Variants in FANCA observed in about 807,000 individuals in gnomAD.
The protein encoded by FANCA is Fanconi anemia group A protein.
In FANCA, 236 loss-of-function variants were observed where a neutral mutation model predicts 194.3. The observed-to-expected ratio is 1.21, with a 90% CI of 1.09 to 1.35. The LOEUF (loss-of-function observed/expected upper bound fraction) is 1.35. Ranked by LOEUF, FANCA falls within the 40% of genes most tolerant of loss-of-function variation. The probability of loss-of-function intolerance (pLI) is 0.00; values close to 1 mark genes in which losing one functional copy is unlikely to be tolerated. For missense variants in FANCA, 2,628 were observed against 1,813.9 expected, an observed-to-expected ratio of 1.45 and a Z score of -8.15; for synonymous variants, 1,014 against 715.8, an observed-to-expected ratio of 1.42 and a Z score of -6.65.
At chr16:89,755,759 C>A (rs1285677489) in intron 30 of FANCA, among the ~76,000 whole-genome samples, 1 of 152,216 alleles carries the variant, frequency 6.6e-6, no homozygotes. Context: ...TGACAAGGAT[C>A]CATTCTGAGA....
At chr16:89,745,109 G>A (rs956337147) in intron 35 of FANCA, 38 bp from the exon 36 acceptor site, 29 of 1,533,392 alleles carry the variant, frequency 1.9e-5, no homozygotes, top group East Asian at 9.7e-5. Flanking sequence ...GAGGGTGGCT[G>A]AGATGGACAC....
intron 1 of FANCA, chr16:89,816,205 C>T: frequency 1.8e-6 from 1 of 557,698 alleles, no homozygotes; most frequent in East Asian, 3.2e-5. Flanking sequence ...GCAGGGGAGC[C>T]CGGGGACGGC....
chr16:89,782,974 G>C lies in FANCA; in HGVS notation c.1566+33C>G, dbSNP rs751837166. 1.2e-6 allele frequency: 2 copies of C among 1,611,706 alleles called. 1 individual carries two copies. The highest frequency in any genetic ancestry group is 4.5e-5 in the East Asian group (2 of 44,880). On this transcript the variant is annotated intron_variant, in intron 16 of 42. Coordinates refer to ENST00000389301, the MANE Select transcript of FANCA (RefSeq NM_000135.4). Reference sequence around the variant, plus strand: ...AAACAAAGCAGTTTCTGCTGGGACAGGTGTGAGGAGTGGGCATGGAGGGAC... The same window carrying C: ...AAACAAAGCAGTTTCTGCTGGGACACGTGTGAGGAGTGGGCATGGAGGGAC...
intron 6 of FANCA, among the ~76,000 whole-genome samples, chr16:89,806,287 G>A (rs2040640240): frequency 6.6e-6 from 1 of 151,228 alleles, no homozygotes; most frequent in Non-Finnish European, 1.5e-5. Context: ...CTACTACTGG[G>A]TAGAGTGCTC....
rs2040133467 is a variant in FANCA at position 89,793,138 on chromosome 16, CAG to C, written c.1007-593_1007-592del. Among the ~76,000 whole-genome samples, 4 of 152,080 alleles carry C rather than the reference CAG, an allele frequency of 2.6e-5. No homozygotes were observed. The South Asian group carries it at 8.3e-4, about 31-fold the overall frequency. On this transcript the variant is annotated intron_variant, in intron 11 of 42. Transcript: ENST00000389301. ...AGGCCCTCCACAAGAGGTGGAGGAG[CAG>C]AGTCTTCTCTAAACTCCCGGGGGGA... is the stretch of plus-strand genomic sequence containing the variant.
At chr16:89,741,031 A>C (rs1019607519) in intron 37 of FANCA, 165 bp from the exon 38 acceptor site, 2 of 668,380 alleles carry the variant, frequency 3.0e-6, no homozygotes, top group African/African-American at 3.6e-5. Context: ...AGACAGCTTA[A>C]TTGAGAATTA....
chr16:89,777,491 C>T (rs1850255652), intron 20 of FANCA, among the ~76,000 whole-genome samples: 1 of 151,180 alleles, frequency 6.6e-6, no homozygotes, highest in Admixed American at 6.6e-5. Context: ...TTTGGGAGGC[C>T]GAGGTGGGTG....
chr16:89,759,935 C>G, intron 29 of FANCA, among the ~76,000 whole-genome samples: 1 of 151,120 alleles, frequency 6.6e-6, no homozygotes, highest in East Asian at 1.9e-4. Context: ...TGTGCGGGAC[C>G]TGGGTGCTCC....
intron 8 of FANCA, among the ~76,000 whole-genome samples, chr16:89,802,593 C>A (rs2040494604): frequency 1.3e-5 from 2 of 151,606 alleles, no homozygotes; most frequent in Admixed American, 1.3e-4. Context: ...TTAGTAGAGA[C>A]GGGATTTTAC....
intron 17 of FANCA, among the ~76,000 whole-genome samples, chr16:89,781,750 A>G (rs1479754771): frequency 1.3e-5 from 2 of 151,638 alleles, no homozygotes; most frequent in Non-Finnish European, 2.9e-5. Flanking sequence ...CTGTAATCCC[A>G]GCACTTTGAG....
At chr16:89,782,169 A>C (rs1216656293) in intron 17 of FANCA, among the ~76,000 whole-genome samples, 1 of 151,598 alleles carries the variant, frequency 6.6e-6, no homozygotes, top group Non-Finnish European at 1.5e-5. Context: ...AGGTCAAGAG[A>C]TCGAGATCAT....
chr16:89,778,020 G>A (rs1362217811), intron 20 of FANCA, among the ~76,000 whole-genome samples: 4 of 151,914 alleles, frequency 2.6e-5, no homozygotes, highest in Non-Finnish European at 5.9e-5. Context: ...AAATTAGCCG[G>A]GCGTGGTGGT....
In FANCA at chr16:89,816,592, G is replaced by C. The variant is rs76275444; in HGVS notation, c.24C>G (p.Asn8Lys). ...CCCCTGGGTCCTGGCCCGAGGCGGA[G>C]TTCGGGACCCACGAGTCGGACATGG... MSDSWVP[N>K]SASGQDPGGR... The change falls in exon 1 of 43, where the codon AAC becomes AAG. Residue 8 changes from asparagine (N) to lysine (K), a missense_variant. Physicochemically the swap from Asn to Lys is moderately conservative, Grantham distance 94. Coordinates refer to ENST00000389301, the MANE Select transcript of FANCA (RefSeq NM_000135.4). 12,610 of 1,527,118 alleles carry C rather than the reference G, an allele frequency of 8.3e-3. 980 individuals carry two copies. In the African/African-American group the frequency reaches 0.16, roughly 19 times the overall value. 94.6% of individuals were successfully genotyped at this position (1,527,118 alleles called of 1,614,324 possible). A position where few individuals can be genotyped will look rare whatever the true frequency, so the allele number is the denominator to read the frequency against.
chr16:89,811,440 A>T (rs958462175), intron 3 of FANCA, among the ~76,000 whole-genome samples: 1 of 152,230 alleles, frequency 6.6e-6, no homozygotes, highest in Admixed American at 6.5e-5. Flanking sequence ...TGTTTTTCTA[A>T]TTACTTCAGA....
intron 35 of FANCA, among the ~76,000 whole-genome samples, chr16:89,745,910 G>A (rs766327645): frequency 1.2e-4 from 18 of 152,218 alleles, no homozygotes; most frequent in Non-Finnish European, 2.5e-4. Context: ...CATTTCTCAC[G>A]AATTCCACCA....
intron 37 of FANCA, among the ~76,000 whole-genome samples, chr16:89,741,310 G>A (rs2062127957): frequency 6.6e-6 from 1 of 152,226 alleles, no homozygotes; most frequent in Non-Finnish European, 1.5e-5. Context: ...TAAGGCCCTG[G>A]AGCCACTAAA....
chr16:89,739,614 G>A (rs1285019479), intron 39 of FANCA, 61 bp from the exon 40 acceptor site: 29 of 1,533,462 alleles, frequency 1.9e-5, no homozygotes, highest in South Asian at 8.4e-5. Context: ...TCAGTGCTGG[G>A]GACACCCCTG....
chr16:89,739,335 G>GT, intron 40 of FANCA, 46 bp from the exon 41 acceptor site: 1 of 1,611,158 alleles, frequency 6.2e-7, no homozygotes, highest in Non-Finnish European at 8.5e-7. Context: ...CTGCTGGAAA[G>GT]GTAGCAGGTG....
rs17232267 is a variant in FANCA at position 89,807,571 on chromosome 16, G to A, written c.596+723C>T. ...TTGACACCAGCCTGGCTAACATGGCGAAACCACATCTCTACTAAAAATAAC... is the reference window on the plus strand; with the variant it reads ...TTGACACCAGCCTGGCTAACATGGCAAAACCACATCTCTACTAAAAATAAC... On this transcript the variant is annotated intron_variant, in intron 6 of 42. Coordinates refer to ENST00000389301, the MANE Select transcript of FANCA (RefSeq NM_000135.4). Among the ~76,000 whole-genome samples, 521 of 152,082 alleles carry A rather than the reference G, an allele frequency of 3.4e-3. 3 individuals are homozygous for A. The highest frequency in any genetic ancestry group is 0.01 in the Admixed American group (160 of 15,270).
Sources: gnomAD v4.1 joint callset for allele counts (sites outside exome capture counted in the v4.1 genomes callset) on GRCh38, gnomAD v4.1.1 for gene constraint, MANE v1.5 for transcripts, NCBI Gene and HGNC (gene_info 2026-07-23, HGNC 2026-07-21) for gene names.